The following SAMMSON variants were observed in gnomAD, a reference collection of about 807,000 sequenced individuals.
The protein encoded by SAMMSON is long intergenic non-protein coding RNA 1212.
chr3:70,198,496 A>G (rs1701203332), intron 4 of SAMMSON, among the ~76,000 whole-genome samples: 1 of 152,232 alleles, frequency 6.6e-6, no homozygotes, highest in African/African-American at 2.4e-5. Flanking sequence ...AAATATTTTA[A>G]AGAAAGCCAC....
intron 4 of SAMMSON, among the ~76,000 whole-genome samples, chr3:70,211,406 G>T (rs1221935686): frequency 4.1e-4 from 1 of 2,438 alleles, no homozygotes; most frequent in African/African-American, 5.5e-4. Flanking sequence ...CCTTCCTTTT[G>T]CCCTTCCCTT....
intron 4 of SAMMSON, among the ~76,000 whole-genome samples, chr3:70,239,731 C>T (rs1399056275): frequency 6.6e-6 from 1 of 152,070 alleles, no homozygotes; most frequent in Non-Finnish European, 1.5e-5. Context: ...TTCCCCAGAG[C>T]CCTGTATTTT....
chr3:70,319,778 A>G (rs112049257), intron 7 of SAMMSON, among the ~76,000 whole-genome samples: 18 of 152,154 alleles, frequency 1.2e-4, no homozygotes, highest in African/African-American at 3.9e-4. Context: ...TTTACAAGTC[A>G]GTGGGAAGGA....
chr3:70,187,296 C>T (rs989446854), intron 4 of SAMMSON, among the ~76,000 whole-genome samples: 3 of 152,068 alleles, frequency 2.0e-5, no homozygotes, highest in African/African-American at 7.2e-5. Flanking sequence ...ACGTGTGTTC[C>T]TTTGACCTGT....
intron 7 of SAMMSON, among the ~76,000 whole-genome samples, chr3:70,343,004 G>T (rs6780990): frequency 1.2e-3 from 177 of 152,284 alleles, no homozygotes; most frequent in African/African-American, 3.7e-3. Context: ...TGCCAAGGAA[G>T]ATAGAATTGG....
In SAMMSON at chr3:70,332,482, G is replaced by A. The variant is rs1240392274; in HGVS notation, n.740-21693G>A. On this transcript the variant is annotated intron_variant and non_coding_transcript_variant, in intron 7 of 9. Transcript: ENST00000642114. Reference sequence around the variant, plus strand: ...GTCCAAGTGTCATCTCAGAACCAGTGCCTCAAACTGAGCTCACCTCTTGGA... The same window carrying A: ...GTCCAAGTGTCATCTCAGAACCAGTACCTCAAACTGAGCTCACCTCTTGGA... Among the ~76,000 whole-genome samples, 5 of 152,146 alleles carry A rather than the reference G, an allele frequency of 3.3e-5. No individual in the cohort carries two copies. In the East Asian group the frequency reaches 9.7e-4, roughly 29 times the overall value.
intron 4 of SAMMSON, among the ~76,000 whole-genome samples, chr3:70,237,771 T>C (rs1701624380): frequency 6.6e-6 from 1 of 152,198 alleles, no homozygotes; most frequent in African/African-American, 2.4e-5. Flanking sequence ...TGTGTTATGA[T>C]TTGTATGCCG....
intron 4 of SAMMSON, chr3:70,197,230 G>T (rs559125084): frequency 1.3e-4 from 52 of 398,218 alleles, no homozygotes; most frequent in African/African-American, 8.4e-4. Flanking sequence ...ATCTGGGGGC[G>T]TCTATGAAGG....
chr3:70,365,327 ATG>A (rs1702912465), intron 9 of SAMMSON, among the ~76,000 whole-genome samples: 2 of 151,362 alleles, frequency 1.3e-5, no homozygotes, highest in South Asian at 4.2e-4. Flanking sequence ...ACACATATAT[ATG>A]TGTGTGTATA....
rs531046686 is a variant in SAMMSON at position 70,169,857 on chromosome 3, C to A, written n.508-79250C>A. Among the ~76,000 whole-genome samples the A allele has an allele frequency of 3.3e-5, 5 of 151,752 alleles. No homozygotes were observed. In the East Asian group the frequency reaches 9.8e-4, roughly 30 times the overall value. ...AGTTTATAGGCCCTTGATTAGATAG[C>A]TTATTGATTTTGGCTGCTGGTGATA... On this transcript the variant is annotated intron_variant and non_coding_transcript_variant, in intron 4 of 9. Transcript: ENST00000642114.
At chr3:70,218,962 A>G (rs1384772449) in intron 4 of SAMMSON, among the ~76,000 whole-genome samples, 3 of 151,802 alleles carry the variant, frequency 2.0e-5, no homozygotes, top group African/African-American at 4.8e-5. Flanking sequence ...AAATAACAGG[A>G]CAATTTTATG....
At chr3:70,235,703 G>A (rs1294718567) in intron 4 of SAMMSON, among the ~76,000 whole-genome samples, 1 of 152,122 alleles carries the variant, frequency 6.6e-6, no homozygotes, top group African/African-American at 2.4e-5. Context: ...GGGTTCTGGT[G>A]GCAGACAAAG....
At chr3:70,235,646 C>A (rs751309949) in intron 4 of SAMMSON, among the ~76,000 whole-genome samples, 7 of 152,110 alleles carry the variant, frequency 4.6e-5, no homozygotes, top group Non-Finnish European at 1.0e-4. Flanking sequence ...TTCTCTATGA[C>A]CCCTTTGCTG....
At chr3:70,072,334 G>C (rs1444905087) in intron 4 of SAMMSON, 3 of 151,776 alleles carry the variant, frequency 2.0e-5, no homozygotes, top group Non-Finnish European at 2.9e-5. Flanking sequence ...TACCCGCTTG[G>C]CTTCTCGCTC....
intron 4 of SAMMSON, among the ~76,000 whole-genome samples, chr3:70,244,472 G>A (rs1188157176): frequency 6.6e-6 from 1 of 152,150 alleles, no homozygotes; most frequent in Non-Finnish European, 1.5e-5. Flanking sequence ...TGCATCTGAT[G>A]ATAATATCAA....
At position 70,237,979 on chromosome 3, in the gene SAMMSON, C is replaced by CTTTTTTTTTTTTTTTTTTTTTT. The variant is rs71672662; in HGVS notation, n.508-11123_508-11102dup. 1.2e-3 allele frequency among the ~76,000 whole-genome samples: 58 copies of CTTTTTTTTTTTTTTTTTTTTTT among 48,942 alleles called. 15 individuals carry two copies. The highest frequency in any genetic ancestry group is 2.5e-3 in the African/African-American group (24 of 9,426). The allele number at this position is 48,942 out of a possible 152,430, so 32.1% of individuals were successfully genotyped here. On this transcript the variant is annotated intron_variant and non_coding_transcript_variant, in intron 4 of 9. Coordinates refer to ENST00000642114, the Ensembl canonical transcript of SAMMSON. ...GGAAAAGAAACTAATTGAGTGGTAT[C>CTTTTTTTTTTTTTTTTTTTTTT]TTTTTTTTTTTTTTTTTTTTTTTTT...
In SAMMSON at chr3:70,142,211, C is replaced by T. The variant is rs545430110; in HGVS notation, n.507+70646C>T. ...ACCCAGAGGAAAAGAAGTCATTATA[C>T]GAAAAAGATACTTGCATATGCATAT... On this transcript the variant is annotated intron_variant and non_coding_transcript_variant, in intron 4 of 9. Coordinates refer to ENST00000642114, the Ensembl canonical transcript of SAMMSON. Among the ~76,000 whole-genome samples, 14 of 152,112 alleles carry T rather than the reference C, an allele frequency of 9.2e-5. No individual in the cohort carries two copies. In the East Asian group the frequency reaches 9.7e-4, roughly 11 times the overall value.
intron 9 of SAMMSON, among the ~76,000 whole-genome samples, chr3:70,359,685 G>A (rs1045461696): frequency 1.3e-5 from 2 of 152,054 alleles, no homozygotes; most frequent in Non-Finnish European, 2.9e-5. Context: ...AAAATATTTA[G>A]ATTTTTCATT....
At chr3:70,130,385 G>A (rs895244160) in intron 4 of SAMMSON, among the ~76,000 whole-genome samples, 4 of 152,160 alleles carry the variant, frequency 2.6e-5, no homozygotes, top group Non-Finnish European at 5.9e-5. Context: ...CTAGGGTTGT[G>A]AATTATTGTG....
Sources: gnomAD v4.1 joint callset for allele counts (sites outside exome capture counted in the v4.1 genomes callset) on GRCh38, gnomAD v4.1.1 for gene constraint, MANE v1.5 for transcripts, NCBI Gene and HGNC (gene_info 2026-07-23, HGNC 2026-07-21) for gene names.